The following PDE7A variants were observed in gnomAD, a reference collection of about 807,000 sequenced individuals.
PDE7A encodes the protein high affinity 3',5'-cyclic-AMP phosphodiesterase 7A.
A neutral mutation model predicts 64.3 loss-of-function variants in PDE7A; 39 were observed. The observed-to-expected ratio is 0.61, with a 90% CI of 0.47 to 0.79. PDE7A has a LOEUF of 0.79. PDE7A is among the 30% of genes least tolerant of loss of function. PDE7A has a pLI of 0.00. For missense variants in PDE7A, 470 were observed against 582.8 expected, an observed-to-expected ratio of 0.81 and a Z score of 1.99; for synonymous variants, 203 against 206.8, an observed-to-expected ratio of 0.98 and a Z score of 0.16.
chr8:65,791,553 G>A (rs1513723), intron 1 of PDE7A, among the ~76,000 whole-genome samples: 1 of 151,978 alleles, frequency 6.6e-6, no homozygotes, highest in Admixed American at 6.6e-5. Context: ...AGAAACCTCC[G>A]ATTCTCAGCA....
chr8:65,764,027 G>A (rs1808642566), intron 3 of PDE7A, among the ~76,000 whole-genome samples: 1 of 152,166 alleles, frequency 6.6e-6, no homozygotes, highest in South Asian at 2.1e-4. Context: ...GAATCACCTG[G>A]AAACTAGGTG....
rs529211564 is a variant in PDE7A, at chr8:65,760,497, A to G, written c.284-12694T>C. Among the ~76,000 whole-genome samples, 8 of 152,358 alleles carry G rather than the reference A, an allele frequency of 5.3e-5. No individual in the cohort carries two copies. In the South Asian group the frequency reaches 1.2e-3, roughly 24 times the overall value. On this transcript the variant is annotated intron_variant, in intron 3 of 12. Coordinates refer to ENST00000401827, the MANE Select transcript of PDE7A (RefSeq NM_001242318.3). ...GAACAAGGAATAGGAGTGCACTTCA[A>G]TAGTGTCTAAAACCCATGCCAAACT...
rs1208341046 is a variant in PDE7A at position 65,717,002 on chromosome 8, T to TG, written c.*2287dup. ...TGTGCTGTAAGTACACAATATACACTGGATTTCAAAGACTTAGTACCCCCC... is the reference window on the plus strand; with the variant it reads ...TGTGCTGTAAGTACACAATATACACTGGGATTTCAAAGACTTAGTACCCCCC... On this transcript the variant is annotated 3_prime_UTR_variant, in exon 13 of 13. Transcript: ENST00000401827. 4.7e-4 allele frequency among the ~76,000 whole-genome samples: 71 copies of TG among 152,210 alleles called. No homozygotes were observed. The highest frequency in any genetic ancestry group is 2.9e-5 in the Non-Finnish European group (2 of 68,038).
At chr8:65,737,006 G>A (rs539461029) in intron 6 of PDE7A, among the ~76,000 whole-genome samples, 11 of 150,888 alleles carry the variant, frequency 7.3e-5, no homozygotes, top group South Asian at 2.1e-4. Context: ...CCTCAGCCTG[G>A]ATGAGGTGGG....
At chr8:65,750,702 C>G (rs966794737) in intron 3 of PDE7A, among the ~76,000 whole-genome samples, 2 of 152,012 alleles carry the variant, frequency 1.3e-5, no homozygotes, top group African/African-American at 4.8e-5. Flanking sequence ...GAGCCAAGGC[C>G]CCAACCATGA....
chr8:65,788,908 C>T (rs755890129), intron 1 of PDE7A: 18 of 1,612,842 alleles, frequency 1.1e-5, no homozygotes, highest in African/African-American at 1.3e-5. Context: ...TTGATAAGAA[C>T]CAAGGCCAGA....
At chr8:65,745,229 T>G (rs1807619759) in intron 5 of PDE7A, among the ~76,000 whole-genome samples, 178 bp downstream of exon 5, 1 of 152,220 alleles carries the variant, frequency 6.6e-6, no homozygotes, top group South Asian at 2.1e-4. Context: ...CCTCTTTTTC[T>G]CAATTACCCA....
At chr8:65,772,263 C>G (rs1013224949) in intron 3 of PDE7A, among the ~76,000 whole-genome samples, 3 of 152,164 alleles carry the variant, frequency 2.0e-5, no homozygotes, top group African/African-American at 7.2e-5. Flanking sequence ...ATTTTGCAAT[C>G]AGAACACCTA....
chr8:65,764,569 G>T (rs939223586), intron 3 of PDE7A, among the ~76,000 whole-genome samples: 3 of 152,122 alleles, frequency 2.0e-5, no homozygotes, highest in Admixed American at 6.5e-5. Flanking sequence ...CAAACTATTT[G>T]TACACCTAAA....
At position 65,719,513 on chromosome 8, in the gene PDE7A, A is replaced by C; in HGVS notation, c.1244-18T>G. 9.3e-6 allele frequency: 14 copies of C among 1,505,832 alleles called. No individual in the cohort carries two copies. The highest frequency in any genetic ancestry group is 1.3e-5 in the Non-Finnish European group (14 of 1,081,910). 93.3% of individuals were successfully genotyped at this position (1,505,832 alleles called of 1,614,324 possible). On this transcript the variant is annotated intron_variant, in intron 12 of 12. Transcript: ENST00000401827. ...CATAAAACCTTGAGAAAATAGGAGA[A>C]AAAGTTATTAACATATATGCTGAAA... is the stretch of plus-strand genomic sequence containing the variant.
intron 3 of PDE7A, among the ~76,000 whole-genome samples, chr8:65,752,455 T>G (rs942893554): frequency 2.6e-5 from 4 of 152,204 alleles, no homozygotes; most frequent in African/African-American, 9.6e-5. Context: ...TCCTTTTCCT[T>G]TCTTGAATTT....
At chr8:65,834,096 CAATA>C (rs2128934947) in intron 1 of PDE7A, among the ~76,000 whole-genome samples, 1 of 152,154 alleles carries the variant, frequency 6.6e-6, no homozygotes, top group African/African-American at 2.4e-5. Context: ...AGATTTTTTT[CAATA>C]AATATACTAA....
intron 1 of PDE7A, among the ~76,000 whole-genome samples, chr8:65,813,672 A>C (rs1328156327): frequency 6.6e-6 from 1 of 152,230 alleles, no homozygotes; most frequent in Non-Finnish European, 1.5e-5. Flanking sequence ...TTTTTAATGT[A>C]ATCTTTTTGA....
Position 65,822,134 on chromosome 8 carries a change from C to T in PDE7A, c.138+19237G>A, listed in dbSNP as rs561556032. ...AGTCATCCTGCTACTCAACAGGGAC[C>T]CATCTATTAAAGAAAGAAGTCCCCA... On this transcript the variant is annotated intron_variant, in intron 1 of 12. Coordinates refer to ENST00000401827, the MANE Select transcript of PDE7A (RefSeq NM_001242318.3). 2.0e-5 allele frequency among the ~76,000 whole-genome samples: 3 copies of T among 152,268 alleles called. No homozygotes were observed. In the South Asian group the frequency reaches 6.2e-4, roughly 32 times the overall value.
At chr8:65,743,531 T>C (rs1426951468) in intron 5 of PDE7A, among the ~76,000 whole-genome samples, 1 of 152,216 alleles carries the variant, frequency 6.6e-6, no homozygotes, top group Non-Finnish European at 1.5e-5. Flanking sequence ...TCAGTCCAGT[T>C]TATTTTCTGT....
chr8:65,755,396 C>T (rs994669080), intron 3 of PDE7A, among the ~76,000 whole-genome samples: 2 of 152,034 alleles, frequency 1.3e-5, no homozygotes, highest in African/African-American at 4.8e-5. Flanking sequence ...CCCTCCTTTC[C>T]TGTTTTGTGT....
intron 3 of PDE7A, among the ~76,000 whole-genome samples, chr8:65,775,856 T>A (rs1272704840): frequency 1.3e-5 from 2 of 152,330 alleles, no homozygotes; most frequent in African/African-American, 2.4e-5. Flanking sequence ...CTTAAACTCC[T>A]GACCTCAGGT....
intron 3 of PDE7A, among the ~76,000 whole-genome samples, chr8:65,759,776 A>G: frequency 6.6e-6 from 1 of 152,006 alleles, no homozygotes; most frequent in Non-Finnish European, 1.5e-5. Context: ...TGCTCAGCCT[A>G]GGTTTGAGAA....
intron 3 of PDE7A, among the ~76,000 whole-genome samples, chr8:65,763,212 G>A (rs1808599632): frequency 6.6e-6 from 1 of 152,074 alleles, no homozygotes; most frequent in Non-Finnish European, 1.5e-5. Context: ...TTTAGATTAT[G>A]CAGAATTCAA....
Sources: allele counts gnomAD v4.1 joint callset (sites outside exome capture counted in the v4.1 genomes callset), GRCh38; gene constraint gnomAD v4.1.1; transcripts MANE v1.5; gene names NCBI Gene and HGNC (gene_info 2026-07-23, HGNC 2026-07-21).